THAP6: variants seen among roughly 807,000 people sequenced by gnomAD.
THAP6 encodes the protein THAP domain-containing protein 6.
Under a neutral mutation model 20.0 loss-of-function variants are expected in THAP6, and 13 were observed. The ratio of observed to expected loss-of-function variants is 0.65; its 90% CI spans 0.42 to 1.03. The LOEUF is 1.03. Ranked by LOEUF, THAP6 falls within the 50% of genes least tolerant of loss-of-function variation. The probability of loss-of-function intolerance (pLI) is 0.00; values close to 1 mark genes in which losing one functional copy is unlikely to be tolerated. For synonymous variants in THAP6, 93 were observed against 92.2 expected (o/e 1.01, Z -0.05); for missense variants, 262 against 261.6 (o/e 1.00, Z -0.01).
Position 75,515,382 on chromosome 4 carries a change from TC to T in THAP6, c.-20-47del. 3 of 1,522,246 alleles carry T rather than the reference TC, an allele frequency of 2.0e-6. No individual in the cohort carries two copies. The South Asian group carries it at 3.4e-5, about 17-fold the overall frequency. The allele number at this position is 1,522,246 out of a possible 1,614,324, so 94.3% of individuals were successfully genotyped here. A position where few individuals can be genotyped will look rare whatever the true frequency, so the allele number is the denominator to read the frequency against. On this transcript the variant is annotated intron_variant, in intron 1 of 4. Transcript: ENST00000311638. Reference sequence around the variant, plus strand: ...TAAAACACCGGGAAAGGGAAAATATTCCCCTTCAGCTTTCCGGTTACTAACT... The same window carrying T: ...TAAAACACCGGGAAAGGGAAAATATTCCCTTCAGCTTTCCGGTTACTAACT...
intron 2 of THAP6, among the ~76,000 whole-genome samples, chr4:75,536,653 G>T (rs1161028313): frequency 6.6e-6 from 1 of 152,062 alleles, no homozygotes; most frequent in Non-Finnish European, 1.5e-5. Flanking sequence ...GACTACAGGT[G>T]TGCACCACCG....
At position 75,538,891 on chromosome 4, in the gene THAP6, C is replaced by T. The variant is rs565294564; in HGVS notation, c.166-3518C>T. Reference sequence around the variant, plus strand: ...GACCAGGAAACCCAAGAGCAGAAGACCTACAATTTGTAATCTAAGAACCAC... The same window carrying T: ...GACCAGGAAACCCAAGAGCAGAAGATCTACAATTTGTAATCTAAGAACCAC... On this transcript the variant is annotated intron_variant, in intron 2 of 4. Transcript: ENST00000502620. Among the ~76,000 whole-genome samples the T allele has an allele frequency of 5.9e-5, 9 of 152,252 alleles. No homozygotes were observed. In the South Asian group the frequency reaches 1.7e-3, roughly 28 times the overall value.
At chr4:75,541,664 A>G (rs1397227684) in intron 2 of THAP6, among the ~76,000 whole-genome samples, 1 of 152,196 alleles carries the variant, frequency 6.6e-6, no homozygotes, top group Non-Finnish European at 1.5e-5. Flanking sequence ...CTACAAATTT[A>G]AATCAAAACC....
upstream of THAP6, chr4:75,514,131 C>G: frequency 6.4e-7 from 1 of 1,566,332 alleles, no homozygotes; most frequent in East Asian, 2.3e-5. Context: ...GCCTAACCAC[C>G]TGCCCAGCCC....
chr4:75,527,168 G>T lies in THAP6; in HGVS notation c.623G>T (p.Cys208Phe). 6.2e-7 allele frequency: 1 copy of T among 1,614,118 alleles called. No homozygotes were observed. Among genetic ancestry groups the T allele is most frequent in the Non-Finnish European group, 8.5e-7 (1 of 1,179,976 alleles). ...QETANRLDTF[C>F]WDCCQESIEQ... is the part of the protein sequence containing the mutation. The stretch of plus-strand genomic sequence containing the variant: ...ACAGCAAATAGACTGGACACTTTCT[G>T]TTGGGACTGTTGTCAGGAGAGCATA... The change falls in exon 5 of 5, where the codon TGT becomes TTT. Residue 208 changes from cysteine (C) to phenylalanine (F), a missense_variant. By Grantham distance (205) the Cys-to-Phe change is radical. Transcript: ENST00000311638.
In THAP6 at chr4:75,521,809, A is replaced by T. The variant is rs751493402; in HGVS notation, c.362A>T (p.His121Leu). ...KTVPATNYNH[H>L]LVGASSCIEE... ...GTTCCAGCCACTAACTACAATCACC[A>T]TCTTGTTGGTGCTTCCTCATGTATT... is the stretch of plus-strand genomic sequence containing the variant. The change falls in exon 4 of 5, where the codon CAT (histidine) becomes CTT (leucine). Residue 121 changes from histidine to leucine, a missense_variant. By Grantham distance (99) the His-to-Leu change is moderately conservative. Coordinates refer to ENST00000311638, the MANE Select transcript of THAP6 (RefSeq NM_144721.6). 2 of 1,613,446 alleles carry T rather than the reference A, an allele frequency of 1.2e-6. No homozygotes were observed. Among genetic ancestry groups the T allele is most frequent in the Non-Finnish European group, 8.5e-7 (1 of 1,179,582 alleles).
rs2148823291 is a variant in THAP6, at chr4:75,528,489, T to A, written c.*1275T>A. 1 of 985,388 alleles carries A rather than the reference T, an allele frequency of 1.0e-6. No homozygotes were observed. Among genetic ancestry groups the A allele is most frequent in the East Asian group, 1.1e-4 (1 of 8,818 alleles). 61.0% of individuals were successfully genotyped at this position (985,388 alleles called of 1,614,324 possible). On this transcript the variant is annotated 3_prime_UTR_variant, in exon 5 of 5. Transcript: ENST00000311638. ...AATTTGAGTATCAGCCATTTCATTG[T>A]AGTAACAAAAATTGAATTGCATTTT...
chr4:75,517,164 C>A, intron 3 of THAP6, 185 bp downstream of exon 3: 1 of 509,634 alleles, frequency 2.0e-6, no homozygotes, highest in South Asian at 2.9e-5. Flanking sequence ...ATTACAGGCA[C>A]CTGCCACCAC....
intron 2 of THAP6, among the ~76,000 whole-genome samples, chr4:75,540,837 C>G (rs1021054935): frequency 3.3e-5 from 5 of 152,120 alleles, no homozygotes; most frequent in African/African-American, 1.2e-4. Flanking sequence ...AAGAAATTAC[C>G]TTTGAAATCC....
intron 2 of THAP6, among the ~76,000 whole-genome samples, chr4:75,516,383 AG>A (rs978815174): frequency 6.6e-6 from 1 of 152,240 alleles, no homozygotes; most frequent in African/African-American, 2.4e-5. Context: ...TGGAATTACA[AG>A]GGGCCCTTTT....
At position 75,528,264 on chromosome 4, in the gene THAP6, A is replaced by G. The variant is rs1726501754; in HGVS notation, c.*1050A>G. 1.0e-5 allele frequency: 10 copies of G among 985,346 alleles called. No individual in the cohort carries two copies. In the South Asian group the frequency reaches 4.2e-4, roughly 42 times the overall value. The allele number at this position is 985,346 out of a possible 1,614,324, so 61.0% of individuals were successfully genotyped here. ...AATAGCTTCTTACTGAATATGCAAA[A>G]GAATAATTCCTTGTTATTTCCTAAT... On this transcript the variant is annotated 3_prime_UTR_variant, in exon 5 of 5. Coordinates refer to ENST00000311638, the MANE Select transcript of THAP6 (RefSeq NM_144721.6).
At chr4:75,534,654 A>G (rs1021191110), downstream of THAP6, among the ~76,000 whole-genome samples, 4 of 152,198 alleles carry the variant, frequency 2.6e-5, no homozygotes, top group Non-Finnish European at 5.9e-5. Flanking sequence ...AATTTTTGCA[A>G]TCTACTCATC....
intron 2 of THAP6, among the ~76,000 whole-genome samples, chr4:75,538,933 A>T (rs1035728523): frequency 6.6e-6 from 1 of 152,234 alleles, no homozygotes; most frequent in African/African-American, 2.4e-5. Flanking sequence ...GTCCATGATG[A>T]GCACTAGTCA....
intron 2 of THAP6, chr4:75,542,295 G>C: frequency 1.6e-6 from 1 of 609,642 alleles, no homozygotes; most frequent in South Asian, 1.9e-5. Flanking sequence ...CAATACCTCA[G>C]AAAACTAAAG....
In THAP6 at chr4:75,527,659, G is replaced by A. The variant is rs2148822155; in HGVS notation, c.*445G>A. 2 of 995,738 alleles carry A rather than the reference G, an allele frequency of 2.0e-6. No homozygotes were observed. Among genetic ancestry groups the A allele is most frequent in the Non-Finnish European group, 2.4e-6 (2 of 835,690 alleles). The allele number at this position is 995,738 out of a possible 1,614,324, so 61.7% of individuals were successfully genotyped here. On this transcript the variant is annotated 3_prime_UTR_variant, in exon 5 of 5. Coordinates refer to ENST00000311638, the MANE Select transcript of THAP6 (RefSeq NM_144721.6). The stretch of plus-strand genomic sequence containing the variant: ...CTACAAAGCACAATTCATTTGTAAT[G>A]CATATCCATCTTGGATTCAATCCAA...
chr4:75,521,134 T>TC (rs1725998999), intron 3 of THAP6, among the ~76,000 whole-genome samples: 1 of 151,820 alleles, frequency 6.6e-6, no homozygotes, highest in African/African-American at 2.4e-5. Flanking sequence ...TGGGTTTATT[T>TC]TTTTTTTGAA....
At chr4:75,541,164 G>T (rs1337538971) in intron 2 of THAP6, among the ~76,000 whole-genome samples, 1 of 152,142 alleles carries the variant, frequency 6.6e-6, no homozygotes, top group Non-Finnish European at 1.5e-5. Flanking sequence ...TAGCAAAGGG[G>T]CTCTGTATGT....
At chr4:75,544,912 AG>A (rs1275577795) in intron 3 of THAP6, among the ~76,000 whole-genome samples, 1 of 152,178 alleles carries the variant, frequency 6.6e-6, no homozygotes, top group Admixed American at 6.5e-5. Flanking sequence ...CAACAGCCAG[AG>A]TCTCAAGAGC....
intron 4 of THAP6, among the ~76,000 whole-genome samples, chr4:75,523,175 G>T (rs1039864847): frequency 2.0e-5 from 3 of 152,162 alleles, no homozygotes; most frequent in Admixed American, 2.0e-4. Context: ...TTGTAGATTT[G>T]ATTTGCATTT....
Sources: gnomAD v4.1 joint callset for allele counts (sites outside exome capture counted in the v4.1 genomes callset) on GRCh38, gnomAD v4.1.1 for gene constraint, MANE v1.5 for transcripts, NCBI Gene and HGNC (gene_info 2026-07-23, HGNC 2026-07-21) for gene names.